The following PRKN variants were observed in gnomAD, a reference collection of about 807,000 sequenced individuals.
The protein encoded by PRKN is E3 ubiquitin-protein ligase parkin.
In PRKN, 56 loss-of-function variants were observed where a neutral mutation model predicts 59.5. That is an observed-to-expected ratio of 0.94 (90% CI 0.76 to 1.18). The LOEUF is 1.18. Ranked by LOEUF, PRKN falls within the 50% of genes most tolerant of loss-of-function variation. The pLI is 0.00. For missense variants in PRKN, 657 were observed against 596.4 expected, an observed-to-expected ratio of 1.10 and a Z score of -1.06; for synonymous variants, 250 against 222.1, an observed-to-expected ratio of 1.13 and a Z score of -1.12.
At chr6:161,649,224 C>CAGGG (rs953883744) in intron 7 of PRKN, among the ~76,000 whole-genome samples, 6 of 152,170 alleles carry the variant, frequency 3.9e-5, no homozygotes, top group Admixed American at 6.5e-5. Flanking sequence ...GCATGACTGA[C>CAGGG]CCCCTCTCTC....
At chr6:161,748,625 A>C (rs1788538549) in intron 7 of PRKN, among the ~76,000 whole-genome samples, 1 of 152,104 alleles carries the variant, frequency 6.6e-6, no homozygotes, top group African/African-American at 2.4e-5. Flanking sequence ...GGTCCAGGCA[A>C]GGGGCACTTG....
chr6:162,401,179 C>G (rs1024990487), intron 2 of PRKN, among the ~76,000 whole-genome samples: 3 of 150,962 alleles, frequency 2.0e-5, no homozygotes, highest in East Asian at 2.0e-4. Context: ...TATATATAAA[C>G]AACATAACCA....
At chr6:162,683,555 C>G (rs1779849646) in intron 1 of PRKN, among the ~76,000 whole-genome samples, 1 of 152,064 alleles carries the variant, frequency 6.6e-6, no homozygotes, top group South Asian at 2.1e-4. Flanking sequence ...AGCAAAGTAA[C>G]TATAAGTCAT....
At chr6:162,180,371 A>G (rs540500376) in intron 4 of PRKN, among the ~76,000 whole-genome samples, 4 of 152,334 alleles carry the variant, frequency 2.6e-5, no homozygotes, top group Non-Finnish European at 4.4e-5. Context: ...CTTATTTCAC[A>G]TTGCATGCCT....
chr6:162,696,747 T>C (rs907272793), intron 1 of PRKN, among the ~76,000 whole-genome samples: 1 of 151,742 alleles, frequency 6.6e-6, no homozygotes, highest in Non-Finnish European at 1.5e-5. Context: ...GGTCTTGCCA[T>C]GTTGCATAAG....
At chr6:162,662,350 T>G (rs923761573) in intron 1 of PRKN, among the ~76,000 whole-genome samples, 1 of 151,744 alleles carries the variant, frequency 6.6e-6, no homozygotes, top group African/African-American at 2.4e-5. Flanking sequence ...AGCTTGCAAA[T>G]TTTTTTTCCA....
chr6:161,781,961 A>C (rs529771767), intron 7 of PRKN, among the ~76,000 whole-genome samples: 1 of 152,234 alleles, frequency 6.6e-6, no homozygotes, highest in Non-Finnish European at 1.5e-5. Context: ...GCACTTTGCA[A>C]TTGCTGATGG....
chr6:162,117,474 C>T (rs1053875545), intron 4 of PRKN, among the ~76,000 whole-genome samples: 2 of 152,178 alleles, frequency 1.3e-5, no homozygotes, highest in African/African-American at 4.8e-5. Context: ...GCGAGAAAGA[C>T]CTATGCATTT....
chr6:161,616,524 C>A (rs1234488955), intron 7 of PRKN, among the ~76,000 whole-genome samples: 2 of 151,984 alleles, frequency 1.3e-5, no homozygotes, highest in Non-Finnish European at 2.9e-5. Context: ...AACCCGTCAC[C>A]TACATTAGGT....
chr6:162,334,036 C>A (rs1185987271), intron 2 of PRKN, among the ~76,000 whole-genome samples: 1 of 152,150 alleles, frequency 6.6e-6, no homozygotes, highest in Admixed American at 6.5e-5. Context: ...AGCAAGGCCC[C>A]AACTCCCTTC....
At chr6:161,382,711 C>G (rs566710242) in intron 10 of PRKN, among the ~76,000 whole-genome samples, 1 of 152,262 alleles carries the variant, frequency 6.6e-6, no homozygotes, top group South Asian at 2.1e-4. Flanking sequence ...TCCCAAACTC[C>G]CAGCAGTTTC....
At chr6:161,976,127 ACTC>A (rs1781023210) in intron 5 of PRKN, among the ~76,000 whole-genome samples, 2 of 150,466 alleles carry the variant, frequency 1.3e-5, no homozygotes, top group Admixed American at 6.6e-5. Context: ...CTAGTCTTGA[ACTC>A]CTGACCTCAA....
chr6:162,235,945 G>A (rs1778650970), intron 3 of PRKN, among the ~76,000 whole-genome samples: 5 of 77,938 alleles, frequency 6.4e-5, no homozygotes, highest in East Asian at 7.9e-4. Context: ...AAGGAAGGAA[G>A]GAAGGAAGAA....
Position 161,360,069 on chromosome 6 carries a change from C to A in PRKN, c.1285+19G>T, listed in dbSNP as rs1316322095. On this transcript the variant is annotated intron_variant, in intron 11 of 11. Transcript: ENST00000366898. This position sits in a 1 kb window ranked among gnomAD's most constrained non-coding sequence, Gnocchi z 5.1. ...AAAGAGCACACGACATCCTCATTCT[C>A]TGCTCAGCACAGACTCACCATTTTT... 2 of 1,531,376 alleles carry A rather than the reference C, an allele frequency of 1.3e-6. No homozygotes were observed. The highest frequency in any genetic ancestry group is 1.8e-6 in the Non-Finnish European group (2 of 1,104,278). 94.9% of individuals were successfully genotyped at this position (1,531,376 alleles called of 1,614,324 possible).
chr6:161,946,935 T>C (rs965249741), intron 6 of PRKN, among the ~76,000 whole-genome samples: 4 of 152,230 alleles, frequency 2.6e-5, no homozygotes, highest in African/African-American at 9.6e-5. Context: ...AAAAGCGCGT[T>C]GCAAAAGATG....
chr6:162,103,370 T>A (rs1363080444), intron 4 of PRKN, among the ~76,000 whole-genome samples: 1 of 152,092 alleles, frequency 6.6e-6, no homozygotes, highest in African/African-American at 2.4e-5. Flanking sequence ...TGAGGATGGT[T>A]TATCATCTGA....
intron 9 of PRKN, among the ~76,000 whole-genome samples, chr6:161,441,086 G>A (rs1789195045): frequency 6.6e-6 from 1 of 152,142 alleles, no homozygotes; most frequent in Admixed American, 6.5e-5. Flanking sequence ...GGGTTCTGGG[G>A]GGTTAGTCAA....
At position 161,386,713 on chromosome 6, in the gene PRKN, C is replaced by G. The variant is rs954879263; in HGVS notation, c.1167+81G>C. Reference sequence around the variant, plus strand: ...CTTCTTGCTTTTTTAGAATGGAACTCTCCATGACCTCCAGGAAACGGCTCC... The same window carrying G: ...CTTCTTGCTTTTTTAGAATGGAACTGTCCATGACCTCCAGGAAACGGCTCC... On this transcript the variant is annotated intron_variant, in intron 10 of 11. Transcript: ENST00000366898. The surrounding 1 kb of genome is among the most constrained non-coding windows in gnomAD (Gnocchi z 4.3). 17 of 1,088,152 alleles carry G rather than the reference C, an allele frequency of 1.6e-5. No homozygotes were observed. Among genetic ancestry groups the G allele is most frequent in the Non-Finnish European group, 2.3e-5 (16 of 700,102 alleles). The allele number at this position is 1,088,152 out of a possible 1,614,324, so 67.4% of individuals were successfully genotyped here. A position where few individuals can be genotyped will look rare whatever the true frequency, so the allele number is the denominator to read the frequency against.
At chr6:162,598,679 CCT>C (rs1781581166) in intron 1 of PRKN, among the ~76,000 whole-genome samples, 2 of 151,792 alleles carry the variant, frequency 1.3e-5, no homozygotes, top group Non-Finnish European at 2.9e-5. Flanking sequence ...ATGGTGAAGC[CCT>C]GTCTCTACTA....
Sources: gnomAD v4.1 joint callset for allele counts (sites outside exome capture counted in the v4.1 genomes callset) on GRCh38, gnomAD v4.1.1 for gene constraint, Gnocchi (gnomAD v3.1) non-coding constraint, MANE v1.5 for transcripts, NCBI Gene and HGNC (gene_info 2026-07-23, HGNC 2026-07-21) for gene names.